HUWE1: variants seen among roughly 807,000 people sequenced by gnomAD.
HUWE1 encodes E3 ubiquitin-protein ligase HUWE1.
Under a neutral mutation model 299.4 loss-of-function variants are expected in HUWE1, and 18 were observed. The observed-to-expected ratio is 0.06, with a 90% CI of 0.04 to 0.09. The LOEUF (loss-of-function observed/expected upper bound fraction) is 0.09, where lower values mean the gene tolerates loss of function less well. Ranked by LOEUF, HUWE1 falls within the 10% of genes least tolerant of loss-of-function variation. The pLI is 1.00. For synonymous variants in HUWE1, 1,317 were observed against 1,286.1 expected (o/e 1.02, Z -0.51); for missense variants, 1,832 against 3,462.3 (o/e 0.53, Z 11.82).
At chrX:53,635,546 G>A (rs1247596222) in intron 7 of HUWE1, among the ~76,000 whole-genome samples, 1 of 111,763 alleles carries the variant, frequency 8.9e-6, no homozygotes, top group Non-Finnish European at 1.9e-5. Context: ...TCAAATTCCT[G>A]GCCTCAAGTG....
At chrX:53,634,387 ATC>A (rs1300674440) in intron 7 of HUWE1, 89 bp from the exon 8 acceptor site, 5 of 617,539 alleles carry the variant, frequency 8.1e-6, no homozygotes, top group African/African-American at 4.4e-5. Flanking sequence ...GTGAGACCTT[ATC>A]TCTCTTTCTC....
chrX:53,584,063 TA>T (rs2063747295), intron 41 of HUWE1, 122 bp downstream of exon 41: 1 of 815,725 alleles, frequency 1.2e-6, no homozygotes, highest in Non-Finnish European at 1.8e-6. Context: ...TGAAAAAGCA[TA>T]AGGGAGGCCT....
chrX:53,562,707 C>T (rs894560386), intron 53 of HUWE1, 124 bp downstream of exon 53: 16 of 552,495 alleles, frequency 2.9e-5, no homozygotes, highest in Admixed American at 5.0e-5. Flanking sequence ...TGTATGTCAG[C>T]GCATGCAGAC....
chrX:53,647,454 G>A lies in HUWE1; in HGVS notation c.265C>T (p.Leu89=). Residue 89 remains leucine, a synonymous_variant, in exon 6 of 84, where the codon CTG becomes TTG. Coordinates refer to ENST00000262854, the MANE Select transcript of HUWE1 (RefSeq NM_031407.7). ...AACACAGCCAAGAGAAGCATTTTCA[G>A]TTGCTCTCTTTCTGGCCTATCACAT... ...LVCDRPEREQ[L]KMLLLAVLNF... is the part of the protein sequence containing the mutation. 8.3e-7 allele frequency: 1 copy of A among 1,207,645 alleles called. No homozygotes were observed. Among genetic ancestry groups the A allele is most frequent in the South Asian group, 1.8e-5 (1 of 56,888 alleles).
In HUWE1 at chrX:53,588,279, A is replaced by G. The variant is rs782353267; in HGVS notation, c.4614+103T>C. 1.6e-4 allele frequency: 141 copies of G among 855,854 alleles called. No individual in the cohort carries two copies. The African/African-American group carries it at 2.7e-3, about 16-fold the overall frequency. The allele number at this position is 855,854 out of a possible 1,213,427, so 70.5% of individuals were successfully genotyped here. On this transcript the variant is annotated intron_variant, in intron 37 of 83. Coordinates refer to ENST00000262854, the MANE Select transcript of HUWE1 (RefSeq NM_031407.7). ...ACTGGGCTCATGAAATGCAGGACTCATGCCTTATTCTTCGCTTTATCGTCT... is the reference window on the plus strand; with the variant it reads ...ACTGGGCTCATGAAATGCAGGACTCGTGCCTTATTCTTCGCTTTATCGTCT...
At chrX:53,535,864 C>T (rs1331729391) in intron 80 of HUWE1, 14 of 359,663 alleles carry the variant, frequency 3.9e-5, no homozygotes, top group Non-Finnish European at 6.2e-5. Context: ...CCCCCACTTA[C>T]ATTTGTACGA....
At chrX:53,559,139 T>C in intron 57 of HUWE1, 79 bp from the exon 58 acceptor site, 2 of 892,761 alleles carry the variant, frequency 2.2e-6, no homozygotes, top group Non-Finnish European at 3.2e-6. Context: ...AATTGCAGTA[T>C]TTCCCTAAAA....
At position 53,539,094 on chromosome X, in the gene HUWE1, T is replaced by A; in HGVS notation, c.11633-14A>T. On this transcript the variant is annotated splice_polypyrimidine_tract_variant and intron_variant, in intron 75 of 83. Transcript: ENST00000262854. ...CAGGCTGTAGCACTAGGGTTAGGAA[T>A]GATGGAGAAGTAACATTTTACTCTG... 8.3e-7 allele frequency: 1 copy of A among 1,205,008 alleles called. No homozygotes were observed. The highest frequency in any genetic ancestry group is 1.1e-6 in the Non-Finnish European group (1 of 891,127).
intron 7 of HUWE1, among the ~76,000 whole-genome samples, chrX:53,636,916 T>C (rs1557026876): frequency 8.9e-6 from 1 of 112,365 alleles, no homozygotes; most frequent in Non-Finnish European, 1.9e-5. Flanking sequence ...AAAATCATAC[T>C]GTAATGGAAT....
intron 43 of HUWE1, among the ~76,000 whole-genome samples, chrX:53,580,454 C>G (rs2063561830): frequency 8.9e-6 from 1 of 112,340 alleles, no homozygotes; most frequent in Non-Finnish European, 1.9e-5. Flanking sequence ...TCAAACATTT[C>G]TTGGCAGGAA....
At chrX:53,539,134 C>T in intron 75 of HUWE1, 54 bp from the exon 76 acceptor site, 1 of 1,125,290 alleles carries the variant, frequency 8.9e-7, no homozygotes, top group Non-Finnish European at 1.2e-6. Flanking sequence ...CTTCAACATG[C>T]AAACCTCTTT....
rs782743763 is a variant in HUWE1, at chrX:53,539,664, C to T, written c.11625G>A (p.Ala3875=). 6 of 1,209,727 alleles carry T rather than the reference C, an allele frequency of 5.0e-6. No homozygotes were observed. The highest frequency in any genetic ancestry group is 6.7e-6 in the Non-Finnish European group (6 of 895,044). ...CTTTAGGACACAACTCACCTAGCAC[C>T]GCATGCTGGTCATGGGATTCCTCTA... is the stretch of plus-strand genomic sequence containing the variant. ...KELEESHDQH[A]VLVLQPAVEA... is the part of the protein sequence containing the mutation. Residue 3875 remains alanine, a synonymous_variant, in exon 75 of 84, where the codon GCG becomes GCA. Transcript: ENST00000262854.
At chrX:53,627,694 T>C (rs781828799) in intron 16 of HUWE1, 45 bp downstream of exon 16, 1 of 1,121,298 alleles carries the variant, frequency 8.9e-7, no homozygotes, top group East Asian at 3.0e-5. Context: ...TAGGTTCAGC[T>C]CTGAGTATTA....
intron 9 of HUWE1, 140 bp from the exon 10 acceptor site, chrX:53,631,754 G>A (rs2066891128): frequency 4.2e-6 from 2 of 480,538 alleles, no homozygotes; most frequent in African/African-American, 2.4e-5. Flanking sequence ...TTAAAATCAA[G>A]GTAAATTGAG....
intron 47 of HUWE1, 57 bp downstream of exon 47, chrX:53,573,693 G>A (rs782108801): frequency 5.1e-5 from 50 of 978,316 alleles, no homozygotes; most frequent in Non-Finnish European, 6.6e-5. Flanking sequence ...TGACACAGGC[G>A]GTACCCAAAT....
intron 44 of HUWE1, 126 bp downstream of exon 44, chrX:53,576,774 T>G (rs1343462193): frequency 1.4e-5 from 9 of 634,132 alleles, no homozygotes; most frequent in Non-Finnish European, 1.0e-5. Flanking sequence ...GGGTATCTTA[T>G]TCATCTTGAG....
At chrX:53,602,997 G>A (rs930598097) in intron 27 of HUWE1, among the ~76,000 whole-genome samples, 10 of 109,246 alleles carry the variant, frequency 9.2e-5, no homozygotes, top group African/African-American at 1.7e-4. Context: ...GATTACAGGC[G>A]CCCGCCATTA....
At position 53,538,378 on chromosome X, in the gene HUWE1, C is replaced by T. The variant is rs2061161403; in HGVS notation, c.11955G>A (p.Leu3985=). The change falls in exon 77 of 84, where the codon CTG becomes CTA. Residue 3985 remains leucine (L), a synonymous_variant. Transcript: ENST00000262854. ...AGTCGAGGACACGAATGTAGTCTAC[C>T]AGGACAGCAAAAGGCCCATCAGCAA... ...THLADGPFAV[L]VDYIRVLDFD... 7 of 1,209,430 alleles carry T rather than the reference C, an allele frequency of 5.8e-6. No individual in the cohort carries two copies. The highest frequency in any genetic ancestry group is 7.8e-6 in the Non-Finnish European group (7 of 893,628).
rs1456022712 is a variant in HUWE1 at position 53,592,513 on chromosome X, A to G, written c.3857T>C (p.Val1286Ala). Residue 1286 changes from valine to alanine, a missense_variant, in exon 33 of 84, where the codon GTG becomes GCG. Transcript: ENST00000262854. ...CTCCTTGCTTAGTCTCTCTCGAATCACAGGTTCTCCTCGGAGGATGTGGCA... is the reference window on the plus strand; with the variant it reads ...CTCCTTGCTTAGTCTCTCTCGAATCGCAGGTTCTCCTCGGAGGATGTGGCA... ...ILCHILRGEP[V>A]IRERLSKEKE... 8.3e-7 allele frequency: 1 copy of G among 1,208,012 alleles called. No homozygotes were observed. Among genetic ancestry groups the G allele is most frequent in the African/African-American group, 1.8e-5 (1 of 56,732 alleles).
Sources: allele counts gnomAD v4.1 joint callset (sites outside exome capture counted in the v4.1 genomes callset), GRCh38; gene constraint gnomAD v4.1.1; transcripts MANE v1.5; gene names NCBI Gene and HGNC (gene_info 2026-07-23, HGNC 2026-07-21).